Variants in MEGF8 observed in about 807,000 individuals in gnomAD.
MEGF8 encodes multiple epidermal growth factor-like domains protein 8.
MEGF8 carries 156 observed loss-of-function variants against 302.9 expected under a neutral mutation model. The ratio of observed to expected loss-of-function variants is 0.52; its 90% confidence interval spans 0.45 to 0.59. The LOEUF (loss-of-function observed/expected upper bound fraction) is 0.59, where lower values mean the gene tolerates loss of function less well. Ranked by LOEUF, MEGF8 falls within the 20% of genes least tolerant of loss-of-function variation. The pLI is 0.00. For missense variants in MEGF8, 3,345 were observed against 3,964.5 expected (o/e 0.84, Z 4.20); for synonymous variants, 1,621 against 1,660.5 (o/e 0.98, Z 0.58).
chr19:42,350,086 G>T, intron 14 of MEGF8, 62 bp from the exon 15 acceptor site: 1 of 1,356,188 alleles, frequency 7.4e-7, no homozygotes, highest in Non-Finnish European at 1.0e-6. Context: ...CTTTCAGTTA[G>T]CGCCAGACTC....
intron 12 of MEGF8, among the ~76,000 whole-genome samples, chr19:42,345,202 CTT>C (rs1367990420): frequency 1.3e-5 from 2 of 152,216 alleles, no homozygotes; most frequent in Non-Finnish European, 2.9e-5. Flanking sequence ...GAGCTCTTGA[CTT>C]TAAATGATCC....
chr19:42,359,243 G>T lies in MEGF8; in HGVS notation c.5488+1G>T. 1 of 1,553,700 alleles carries T rather than the reference G, an allele frequency of 6.4e-7. No individual in the cohort carries two copies. Among genetic ancestry groups the T allele is most frequent in the Non-Finnish European group, 8.7e-7 (1 of 1,149,420 alleles). ...GCCTGGCTTCTGCCCGACCTCACCC[G>T]TAAGTCCCCATTGTGGCTCCCAGGA... On this transcript the variant is annotated splice_donor_variant, in intron 31 of 41. Transcript: ENST00000251268. LOFTEE classifies it high-confidence loss of function.
In MEGF8 at chr19:42,377,044, A is replaced by G; in HGVS notation, c.*269A>G. ...TCTCATGGGACTTAGGTTCTGGTGA[A>G]GGGAGACAATCAGTGCACATGCACA... On this transcript the variant is annotated 3_prime_UTR_variant, in exon 42 of 42. Transcript: ENST00000251268. The G allele has an allele frequency of 4.7e-6, 2 of 422,178 alleles. No homozygotes were observed. The highest frequency in any genetic ancestry group is 8.3e-6 in the Non-Finnish European group (2 of 240,458). The allele number at this position is 422,178 out of a possible 1,614,324, so 26.2% of individuals were successfully genotyped here. A position where few individuals can be genotyped will look rare whatever the true frequency, so the allele number is the denominator to read the frequency against.
intron 5 of MEGF8, 136 bp from the exon 6 acceptor site, chr19:42,335,795 G>T: frequency 1.3e-6 from 1 of 778,866 alleles, no homozygotes; most frequent in Non-Finnish European, 1.9e-6. Flanking sequence ...CTCTCTGCCG[G>T]TCTCTGCCTT....
chr19:42,357,423 T>C lies in MEGF8; in HGVS notation c.4850T>C (p.Leu1617Pro). 1 of 1,613,498 alleles carries C rather than the reference T, an allele frequency of 6.2e-7. No homozygotes were observed. The highest frequency in any genetic ancestry group is 8.5e-7 in the Non-Finnish European group (1 of 1,179,646). ...CCTCAGGCCCCCCAGACCGTGGAGCTGCCAGCCGTTGCTGGTCACACCCTT... is the reference window on the plus strand; with the variant it reads ...CCTCAGGCCCCCCAGACCGTGGAGCCGCCAGCCGTTGCTGGTCACACCCTT... ...RQEKAPQTVE[L>P]PAVAGHTLTA... is the part of the protein sequence containing the mutation. The change falls in exon 28 of 42, where the codon CTG (leucine) becomes CCG (proline). Residue 1617 changes from leucine (L) to proline (P), a missense_variant. Coordinates refer to ENST00000251268, the MANE Select transcript of MEGF8 (RefSeq NM_001271938.2). The surrounding 1 kb of genome is among the most constrained non-coding windows in gnomAD (Gnocchi z 5.2).
Position 42,328,291 on chromosome 19 carries a change from G to A in MEGF8, c.187+1861G>A, listed in dbSNP as rs149689139. Among the ~76,000 whole-genome samples, 62 of 152,308 alleles carry A rather than the reference G, an allele frequency of 4.1e-4. No individual in the cohort carries two copies. The Middle Eastern group carries it at 0.01, about 25-fold the overall frequency. ...GATGTAAAAGCTGGCCTCCAGACAG[G>A]GGAGGTCCTGGGCAAAGGCCAGAGG... On this transcript the variant is annotated intron_variant, in intron 1 of 41. Transcript: ENST00000251268.
At chr19:42,364,834 A>G (rs542886830) in intron 35 of MEGF8, among the ~76,000 whole-genome samples, 2 of 152,172 alleles carry the variant, frequency 1.3e-5, no homozygotes, top group Non-Finnish European at 2.9e-5. Context: ...CCTGTCCCCT[A>G]GGGAGGTTGT....
chr19:42,357,656 A>G lies in MEGF8; in HGVS notation c.5011+72A>G, dbSNP rs1332940341. 5.0e-6 allele frequency: 7 copies of G among 1,389,338 alleles called. No homozygotes were observed. The African/African-American group carries it at 8.6e-5, about 17-fold the overall frequency. 86.1% of individuals were successfully genotyped at this position (1,389,338 alleles called of 1,614,324 possible). A position where few individuals can be genotyped will look rare whatever the true frequency, so the allele number is the denominator to read the frequency against. On this transcript the variant is annotated intron_variant, in intron 28 of 41. Transcript: ENST00000251268. The surrounding 1 kb of genome is among the most constrained non-coding windows in gnomAD (Gnocchi z 5.2). ...CATCTGGGCTTCCTGTGGGCTCTCC[A>G]TCCACTGCTGTGCTCTGTGGCCACC...
At position 42,351,954 on chromosome 19, in the gene MEGF8, C is replaced by T. The variant is rs1345500484; in HGVS notation, c.3101+193C>T. 6.6e-6 allele frequency among the ~76,000 whole-genome samples: 1 copy of T among 152,172 alleles called. No homozygotes were observed. The highest frequency in any genetic ancestry group is 1.5e-5 in the Non-Finnish European group (1 of 68,036). The stretch of plus-strand genomic sequence containing the variant: ...CCATTTTTCCTCCTTTTCCGGCTCT[C>T]TGCGATTCGTTTTCTTTCTCCTTGT... On this transcript the variant is annotated intron_variant, in intron 18 of 41. Coordinates refer to ENST00000251268, the MANE Select transcript of MEGF8 (RefSeq NM_001271938.2). The surrounding 1 kb of genome is among the most constrained non-coding windows in gnomAD (Gnocchi z 5.6).
At position 42,378,208 on chromosome 19, in the gene MEGF8, GAC is replaced by G. The variant is rs2039793508; in HGVS notation, c.*1435_*1436del. 1 of 152,234 alleles carries G rather than the reference GAC, an allele frequency of 6.6e-6. No homozygotes were observed. The highest frequency in any genetic ancestry group is 2.1e-4 in the South Asian group (1 of 4,828). The allele number at this position is 152,234 out of a possible 1,614,324, so 9.4% of individuals were successfully genotyped here. On this transcript the variant is annotated 3_prime_UTR_variant, in exon 42 of 42. Coordinates refer to ENST00000251268, the MANE Select transcript of MEGF8 (RefSeq NM_001271938.2). ...CTGGCGAGGGAAGCAGCTGGAAAGAGACAGATGGCACCCTGAGACAGCCCAGA... is the reference window on the plus strand; with the variant it reads ...CTGGCGAGGGAAGCAGCTGGAAAGAGAGATGGCACCCTGAGACAGCCCAGA...
chr19:42,334,939 G>GT (rs2039105011), intron 3 of MEGF8, 96 bp from the exon 4 acceptor site: 2 of 1,240,526 alleles, frequency 1.6e-6, no homozygotes, highest in Admixed American at 5.5e-5. Flanking sequence ...TGCCCTGTCT[G>GT]TCTCATTCTG....
chr19:42,363,384 T>C, intron 35 of MEGF8, 122 bp downstream of exon 35: 1 of 853,662 alleles, frequency 1.2e-6, no homozygotes. Flanking sequence ...TCCCTGGCTC[T>C]AGCTGCAGTC....
chr19:42,366,116 C>T (rs1211391039), intron 35 of MEGF8, among the ~76,000 whole-genome samples: 2 of 152,162 alleles, frequency 1.3e-5, no homozygotes, highest in African/African-American at 2.4e-5. Flanking sequence ...TAGATTCCAC[C>T]GCACAAATCA....
At chr19:42,371,982 G>A (rs1167865462) in intron 41 of MEGF8, among the ~76,000 whole-genome samples, 1 of 152,028 alleles carries the variant, frequency 6.6e-6, no homozygotes, top group East Asian at 1.9e-4. Context: ...TACTTGGGAG[G>A]TGGAAGTGGG....
rs1442524232 is a variant in MEGF8 at position 42,349,692 on chromosome 19, G to A, written c.2492G>A (p.Gly831Glu). 1 of 1,611,554 alleles carries A rather than the reference G, an allele frequency of 6.2e-7. No homozygotes were observed. ...TLLWDRTGVP[G>E]GSEISFFFLE... The stretch of plus-strand genomic sequence containing the variant: ...CTGTGGGATCGGACTGGTGTGCCAG[G>A]AGGCAGCGTGAGTACCCAGGACCTA... Residue 831 changes from glycine to glutamate, a missense_variant, in exon 14 of 42, where the codon GGA (glycine) becomes GAA (glutamate). Gly to Glu is a moderately conservative substitution (Grantham distance 98, BLOSUM62 -2). Coordinates refer to ENST00000251268, the MANE Select transcript of MEGF8 (RefSeq NM_001271938.2).
intron 31 of MEGF8, 25 bp downstream of exon 31, chr19:42,359,267 G>A: frequency 3.3e-6 from 5 of 1,520,432 alleles, no homozygotes; most frequent in African/African-American, 1.4e-5. Context: ...TGGCTCCCAG[G>A]AGGCTGAGGG....
Position 42,337,206 on chromosome 19 carries a change from G to A in MEGF8, c.1513G>A (p.Gly505Ser), listed in dbSNP as rs769609153. 6.2e-7 allele frequency: 1 copy of A among 1,613,472 alleles called. No individual in the cohort carries two copies. Among genetic ancestry groups the A allele is most frequent in the African/African-American group, 1.3e-5 (1 of 74,906 alleles). ...GCTTGCCCCGCCAGGAACCCCTGAG[G>A]GTGAGTGGTCCCTGTTCTTCCCTAG... ...AELAPPGTPE[G>S]RAAPPSGRYS... The change falls in exon 8 of 42, where the codon GGC becomes AGC. Residue 505 changes from glycine (G) to serine (S), a missense_variant and splice_region_variant. Physicochemically the swap from Gly to Ser is moderately conservative, Grantham distance 56. Coordinates refer to ENST00000251268, the MANE Select transcript of MEGF8 (RefSeq NM_001271938.2).
At position 42,370,327 on chromosome 19, in the gene MEGF8, G is replaced by A; in HGVS notation, c.6973G>A (p.Glu2325Lys). The A allele has an allele frequency of 6.2e-7, 1 of 1,601,102 alleles. No individual in the cohort carries two copies. The change falls in exon 39 of 42, where the codon GAG becomes AAG. Residue 2325 changes from glutamate (E) to lysine (K), a missense_variant. Coordinates refer to ENST00000251268, the MANE Select transcript of MEGF8 (RefSeq NM_001271938.2). ...SRKELQMSKG[E>K]PKKYSLDPEE... ...GAAGGAGTTACAAATGTCCAAGGGA[G>A]AGCCAAAGAAGTACTCACTGGACCC...
chr19:42,333,472 G>T (rs375374959), intron 1 of MEGF8, 133 bp from the exon 2 acceptor site: 3 of 994,434 alleles, frequency 3.0e-6, no homozygotes, highest in African/African-American at 3.3e-5. Flanking sequence ...TCAAGGCGGG[G>T]CCCAGGTCTG....
Sources: allele counts gnomAD v4.1 joint callset (sites outside exome capture counted in the v4.1 genomes callset), GRCh38; gene constraint gnomAD v4.1.1; non-coding constraint Gnocchi (gnomAD v3.1); transcripts MANE v1.5; gene names NCBI Gene and HGNC (gene_info 2026-07-23, HGNC 2026-07-21).